ARHGEF3: variants seen among roughly 807,000 people sequenced by gnomAD.
ARHGEF3 encodes Rho guanine nucleotide exchange factor 3, also known as 59.8 kDA protein.
In ARHGEF3, 28 loss-of-function variants were observed where a neutral mutation model predicts 63.2. The ratio of observed to expected loss-of-function variants is 0.44; its 90% CI spans 0.33 to 0.61. The LOEUF (loss-of-function observed/expected upper bound fraction) is 0.61, where lower values mean the gene tolerates loss of function less well. Ranked by LOEUF, ARHGEF3 falls within the 20% of genes least tolerant of loss-of-function variation. ARHGEF3 has a pLI of 0.03. For missense variants in ARHGEF3, 533 were observed against 659.3 expected, an observed-to-expected ratio of 0.81 and a Z score of 2.10; for synonymous variants, 266 against 254.2, an observed-to-expected ratio of 1.05 and a Z score of -0.44.
intron 3 of ARHGEF3, among the ~76,000 whole-genome samples, chr3:56,953,664 G>A (rs552495776): frequency 2.1e-4 from 32 of 152,250 alleles, no homozygotes; most frequent in African/African-American, 7.7e-4. Context: ...GCGATTGGCC[G>A]AGGCATAGCT....
chr3:57,035,118 C>G (rs1170457487), exon 2 of ARHGEF3: 2 of 1,548,548 alleles, frequency 1.3e-6, no homozygotes, highest in South Asian at 2.4e-5. Context: ...TCCTCTACAG[C>G]TGCATTGATT....
At chr3:56,906,691 C>T (rs1447453106) in intron 3 of ARHGEF3, among the ~76,000 whole-genome samples, 3 of 151,886 alleles carry the variant, frequency 2.0e-5, no homozygotes, top group East Asian at 3.9e-4. Flanking sequence ...CAAAAATTAG[C>T]TGGGCGTGGT....
intron 2 of ARHGEF3, among the ~76,000 whole-genome samples, chr3:56,765,647 C>T (rs930953210): frequency 9.2e-5 from 14 of 152,070 alleles, no homozygotes; most frequent in South Asian, 2.1e-4. Context: ...AAGCCTGAAA[C>T]GCTTCCTCCC....
At chr3:57,035,345 A>T (rs1208122215) in intron 1 of ARHGEF3, among the ~76,000 whole-genome samples, 1 of 151,980 alleles carries the variant, frequency 6.6e-6, no homozygotes, top group Non-Finnish European at 1.5e-5. Context: ...CAGGTACAAC[A>T]TTTTCTTTTC....
chr3:57,016,731 G>C (rs1219694084), intron 2 of ARHGEF3, among the ~76,000 whole-genome samples: 1 of 152,174 alleles, frequency 6.6e-6, no homozygotes, highest in Non-Finnish European at 1.5e-5. Flanking sequence ...ACACCTCTGA[G>C]TTGGTGCACA....
chr3:56,951,004 T>C (rs892795297), intron 3 of ARHGEF3, among the ~76,000 whole-genome samples: 6 of 151,762 alleles, frequency 4.0e-5, no homozygotes, highest in Non-Finnish European at 8.8e-5. Flanking sequence ...CTGGAAACCA[T>C]CATTCTCAGC....
chr3:56,735,369 C>G (rs2033536082), intron 8 of ARHGEF3, among the ~76,000 whole-genome samples: 1 of 152,130 alleles, frequency 6.6e-6, no homozygotes, highest in African/African-American at 2.4e-5. Context: ...CTCCTTCCTG[C>G]CTTCAACTAC....
intron 4 of ARHGEF3, among the ~76,000 whole-genome samples, chr3:56,865,519 T>G (rs763932634): frequency 2.4e-4 from 36 of 152,200 alleles, no homozygotes; most frequent in Non-Finnish European, 4.7e-4. Context: ...TTCAAATTTG[T>G]GAAAACTCAC....
intron 4 of ARHGEF3, among the ~76,000 whole-genome samples, chr3:56,861,933 C>T (rs9823324): frequency 5.9e-4 from 90 of 151,594 alleles, no homozygotes; most frequent in African/African-American, 2.1e-3. Context: ...AGCTCTGCTT[C>T]CACTGGTCTA....
At chr3:56,897,805 T>C (rs2041354797) in intron 3 of ARHGEF3, among the ~76,000 whole-genome samples, 1 of 152,182 alleles carries the variant, frequency 6.6e-6, no homozygotes, top group South Asian at 2.1e-4. Context: ...GACCTCGTGA[T>C]CTGCCCACCT....
chr3:56,870,734 G>A (rs1203227765), intron 4 of ARHGEF3, among the ~76,000 whole-genome samples: 1 of 152,020 alleles, frequency 6.6e-6, no homozygotes. Flanking sequence ...GGGGCATATG[G>A]GAATGCTCTG....
chr3:56,849,222 A>T (rs2039590603), intron 4 of ARHGEF3, among the ~76,000 whole-genome samples: 1 of 152,180 alleles, frequency 6.6e-6, no homozygotes, highest in Non-Finnish European at 1.5e-5. Context: ...TACCTACAGA[A>T]TTAGAAGGTC....
At chr3:56,949,940 C>T (rs1231413347) in intron 3 of ARHGEF3, among the ~76,000 whole-genome samples, 7 of 151,846 alleles carry the variant, frequency 4.6e-5, no homozygotes, top group East Asian at 1.9e-4. Context: ...GAGATATAGA[C>T]CAATGGAACA....
At chr3:56,915,308 AT>A (rs1164975586) in intron 3 of ARHGEF3, among the ~76,000 whole-genome samples, 1 of 145,344 alleles carries the variant, frequency 6.9e-6, no homozygotes, top group Non-Finnish European at 1.5e-5. Flanking sequence ...ACAAAAAAAA[AT>A]GAAATAATTA....
At chr3:56,780,389 G>T (rs2036509583) in intron 1 of ARHGEF3, among the ~76,000 whole-genome samples, 1 of 152,178 alleles carries the variant, frequency 6.6e-6, no homozygotes, top group Non-Finnish European at 1.5e-5. Context: ...TGCAAAATTA[G>T]TAGAGTGTTC....
In ARHGEF3 at chr3:56,874,313, T is replaced by C. The variant is rs186981074; in HGVS notation, c.192+7979A>G. The stretch of plus-strand genomic sequence containing the variant: ...GAAGACCCAATCTCAGCTAGAGGCC[T>C]GGTCTCCTCGGTGATAAGAGCATTA... On this transcript the variant is annotated intron_variant, in intron 4 of 12. Transcript: ENST00000338458. Among the ~76,000 whole-genome samples, 198 of 152,340 alleles carry C rather than the reference T, an allele frequency of 1.3e-3. 2 individuals are homozygous for C. The highest frequency in any genetic ancestry group is 0.012 in the Admixed American group (180 of 15,306).
chr3:56,842,270 A>G (rs746317348), intron 4 of ARHGEF3, among the ~76,000 whole-genome samples: 2 of 152,170 alleles, frequency 1.3e-5, no homozygotes, highest in Non-Finnish European at 2.9e-5. Context: ...TAACAGTTAT[A>G]TATGTCTTTA....
chr3:56,776,490 T>C (rs923990375), intron 1 of ARHGEF3, among the ~76,000 whole-genome samples: 1 of 152,194 alleles, frequency 6.6e-6, no homozygotes, highest in South Asian at 2.1e-4. Context: ...ATTGGATCTA[T>C]GGGGGAGGCT....
intron 9 of ARHGEF3, chr3:56,731,746 C>G (rs1213724901): frequency 1.7e-5 from 3 of 174,110 alleles, no homozygotes; most frequent in Admixed American, 1.6e-4. Flanking sequence ...ATCTTGGCTT[C>G]TTTTAGTTAA....
Sources: allele counts gnomAD v4.1 joint callset (sites outside exome capture counted in the v4.1 genomes callset), GRCh38; gene constraint gnomAD v4.1.1; transcripts MANE v1.5; gene names NCBI Gene and HGNC (gene_info 2026-07-23, HGNC 2026-07-21).